Variants in MCC observed in about 807,000 individuals in gnomAD.
MCC encodes the protein MCC regulator of Wnt signaling pathway.
MCC carries 90 observed loss-of-function variants against 116.2 expected under a neutral mutation model. That is an observed-to-expected ratio of 0.77 (90% CI 0.65 to 0.92). The LOEUF is 0.92. Ranked by LOEUF, MCC falls within the 40% of genes least tolerant of loss-of-function variation. The pLI is 0.00. For missense variants in MCC, 1,516 were observed against 1,312.2 expected, an observed-to-expected ratio of 1.16 and a Z score of -2.40; for synonymous variants, 578 against 510.5, an observed-to-expected ratio of 1.13 and a Z score of -1.78.
intron 3 of MCC, chr5:113,269,027 A>G: frequency 3.1e-6 from 1 of 323,912 alleles, no homozygotes; most frequent in Non-Finnish European, 4.4e-6. Flanking sequence ...GAAGAATGGC[A>G]GCAAAAGTTA....
intron 3 of MCC, among the ~76,000 whole-genome samples, chr5:113,236,317 T>G (rs1764130358): frequency 6.6e-6 from 1 of 152,232 alleles, no homozygotes; most frequent in African/African-American, 2.4e-5. Flanking sequence ...TAATCTGGAA[T>G]GCAAATTTCA....
chr5:113,114,071 A>G (rs1757257954), intron 6 of MCC, among the ~76,000 whole-genome samples: 1 of 150,960 alleles, frequency 6.6e-6, no homozygotes, highest in African/African-American at 2.5e-5. Flanking sequence ...TGGCATCTGC[A>G]ACTTTTAAAT....
chr5:113,322,438 T>A (rs948257928), intron 3 of MCC, among the ~76,000 whole-genome samples: 1 of 152,240 alleles, frequency 6.6e-6, no homozygotes, highest in Admixed American at 6.5e-5. Context: ...ATATCTGTTA[T>A]GAAGTTTTAC....
chr5:113,192,463 G>C (rs568734755), intron 3 of MCC, among the ~76,000 whole-genome samples: 1 of 152,282 alleles, frequency 6.6e-6, no homozygotes, highest in East Asian at 1.9e-4. Flanking sequence ...GCAGAAAATA[G>C]CACCTATACC....
chr5:113,394,917 G>A (rs73252716), intron 1 of MCC, among the ~76,000 whole-genome samples: 2,077 of 152,250 alleles, frequency 0.014, 55 homozygotes, highest in African/African-American at 0.047. Flanking sequence ...ATTTATCTAT[G>A]TAATGTCTAT....
intron 3 of MCC, among the ~76,000 whole-genome samples, chr5:113,315,053 G>A (rs1767245056): frequency 6.6e-6 from 1 of 152,182 alleles, no homozygotes; most frequent in Non-Finnish European, 1.5e-5. Context: ...CTCTCCATCA[G>A]TAAATAAGAA....
chr5:113,239,807 C>T (rs921303323), intron 3 of MCC, among the ~76,000 whole-genome samples: 41 of 152,296 alleles, frequency 2.7e-4, no homozygotes, highest in African/African-American at 9.1e-4. Flanking sequence ...CTGGCAACTC[C>T]TCTCTGGGTG....
intron 8 of MCC, among the ~76,000 whole-genome samples, chr5:113,098,174 C>T (rs561821541): frequency 1.3e-5 from 2 of 152,098 alleles, no homozygotes; most frequent in South Asian, 2.1e-4. Context: ...TTGGGGAAAG[C>T]GCTGATTATT....
chr5:113,087,112 C>T (rs1309471879), intron 8 of MCC, among the ~76,000 whole-genome samples: 3 of 152,240 alleles, frequency 2.0e-5, no homozygotes, highest in African/African-American at 7.2e-5. Flanking sequence ...AGAGAACAGG[C>T]AGGCACATGG....
chr5:113,409,434 C>T (rs1769920018), intron 1 of MCC, among the ~76,000 whole-genome samples: 1 of 152,062 alleles, frequency 6.6e-6, no homozygotes, highest in Admixed American at 6.6e-5. Flanking sequence ...TCACTGCAGC[C>T]TTGATCTCCT....
At chr5:113,367,881 C>T (rs1768742026) in intron 2 of MCC, among the ~76,000 whole-genome samples, 1 of 152,076 alleles carries the variant, frequency 6.6e-6, no homozygotes, top group Non-Finnish European at 1.5e-5. Flanking sequence ...TCCAACATTC[C>T]TTACTGAGGG....
intron 8 of MCC, among the ~76,000 whole-genome samples, chr5:113,097,823 G>A (rs552622866): frequency 2.6e-5 from 4 of 152,250 alleles, no homozygotes; most frequent in South Asian, 2.1e-4. Flanking sequence ...GCACCTGGCC[G>A]AGGGTGACTT....
chr5:113,239,193 A>G (rs1391397604), intron 3 of MCC, among the ~76,000 whole-genome samples: 1 of 152,240 alleles, frequency 6.6e-6, no homozygotes, highest in East Asian at 1.9e-4. Flanking sequence ...AGTTGAAACA[A>G]TAACATCAGC....
At chr5:113,067,777 C>A (rs543063138) in intron 13 of MCC, among the ~76,000 whole-genome samples, 27 of 152,278 alleles carry the variant, frequency 1.8e-4, no homozygotes, top group African/African-American at 2.2e-4. Flanking sequence ...GCTGCAGAAA[C>A]GCTGGCCCCT....
chr5:113,361,333 T>G (rs1164760570), intron 2 of MCC, among the ~76,000 whole-genome samples: 1 of 152,148 alleles, frequency 6.6e-6, no homozygotes, highest in Non-Finnish European at 1.5e-5. Context: ...TGTTCTCATC[T>G]TTATTATATT....
chr5:113,036,106 G>A (rs1353324875), intron 17 of MCC, among the ~76,000 whole-genome samples: 1 of 128,360 alleles, frequency 7.8e-6, no homozygotes, highest in African/African-American at 3.0e-5. Flanking sequence ...TGCGATCTTG[G>A]GCTCAACACA....
chr5:113,284,729 C>T (rs1257470318), intron 3 of MCC, among the ~76,000 whole-genome samples: 1 of 152,182 alleles, frequency 6.6e-6, no homozygotes, highest in Non-Finnish European at 1.5e-5. Flanking sequence ...TGTCTGATTC[C>T]ATGTTTGCCA....
At chr5:113,230,290 C>T (rs953414431) in intron 3 of MCC, among the ~76,000 whole-genome samples, 1 of 152,180 alleles carries the variant, frequency 6.6e-6, no homozygotes, top group Non-Finnish European at 1.5e-5. Context: ...ACAGCTAACA[C>T]ATCAATGTCC....
intron 5 of MCC, among the ~76,000 whole-genome samples, chr5:113,127,679 CG>C (rs1364067785): frequency 6.6e-6 from 1 of 152,058 alleles, no homozygotes; most frequent in Non-Finnish European, 1.5e-5. Context: ...GTCCTTTGCC[CG>C]CCTTTTAATG....
Sources: gnomAD v4.1 joint callset for allele counts (sites outside exome capture counted in the v4.1 genomes callset) on GRCh38, gnomAD v4.1.1 for gene constraint, MANE v1.5 for transcripts, NCBI Gene and HGNC (gene_info 2026-07-23, HGNC 2026-07-21) for gene names.